PKMYT1: variants seen among roughly 807,000 people sequenced by gnomAD.
PKMYT1 encodes the protein membrane-associated tyrosine- and threonine-specific cdc2-inhibitory kinase.
Under a neutral mutation model 49.7 loss-of-function variants are expected in PKMYT1, and 35 were observed. The observed-to-expected ratio is 0.70, with a 90% CI of 0.54 to 0.93. The LOEUF (loss-of-function observed/expected upper bound fraction) is 0.93, where lower values mean the gene tolerates loss of function less well. PKMYT1 is among the 40% of genes least tolerant of loss of function. The probability of loss-of-function intolerance (pLI) is 0.00; values close to 1 mark genes in which losing one functional copy is unlikely to be tolerated. For synonymous variants in PKMYT1, 331 were observed against 287.6 expected (o/e 1.15, Z -1.53); for missense variants, 677 against 673.1 (o/e 1.01, Z -0.06).
At chr16:2,976,188 A>C (rs2072188528) in intron 3 of PKMYT1, 3 of 256,156 alleles carry the variant, frequency 1.2e-5, no homozygotes, top group South Asian at 1.3e-4. Context: ...CTTTTTAACA[A>C]AATTGTCTTC....
chr16:2,976,793 T>A lies in PKMYT1; in HGVS notation c.249A>T (p.Ser83=). ...GAGTCTCTGAGGCCTCGCCCCGGAA[T>A]GACACCCGCCGGGGCTGCAGCTGGT... is the stretch of plus-strand genomic sequence containing the variant. ...GWHQLQPRRV[S]FRGEASETLQ... The change falls in exon 3 of 9, where the codon TCA becomes TCT. Residue 83 remains serine (S), a synonymous_variant. Transcript: ENST00000262300. The A allele has an allele frequency of 6.3e-7, 1 of 1,576,712 alleles. No homozygotes were observed. Among genetic ancestry groups the A allele is most frequent in the African/African-American group, 1.4e-5 (1 of 74,030 alleles).
In PKMYT1 at chr16:2,977,206, A is replaced by G. The variant is rs2072221768; in HGVS notation, c.11-175T>C. The G allele has an allele frequency of 2.1e-6, 3 of 1,431,946 alleles. No homozygotes were observed. In the South Asian group the frequency reaches 4.3e-5, roughly 21 times the overall value. The allele number at this position is 1,431,946 out of a possible 1,614,324, so 88.7% of individuals were successfully genotyped here. A position where few individuals can be genotyped will look rare whatever the true frequency, so the allele number is the denominator to read the frequency against. Reference sequence around the variant, plus strand: ...CCAAGAAAAGGCAGAGGACAGATTCATACTCACCTGCCCACCAGGCTGTTG... The same window carrying G: ...CCAAGAAAAGGCAGAGGACAGATTCGTACTCACCTGCCCACCAGGCTGTTG... On this transcript the variant is annotated intron_variant, in intron 2 of 8. Transcript: ENST00000262300.
chr16:2,973,891 TG>T, intron 7 of PKMYT1, 108 bp downstream of exon 7: 4 of 1,236,354 alleles, frequency 3.2e-6, no homozygotes, highest in Non-Finnish European at 4.6e-6. Context: ...CAGGATGTGA[TG>T]GGGGCCAGGT....
intron 3 of PKMYT1, chr16:2,976,211 T>C (rs991675594): frequency 2.7e-5 from 6 of 220,920 alleles, no homozygotes; most frequent in African/African-American, 6.8e-5. Context: ...ACAGGACTCA[T>C]ACAAGGGAAA....
At chr16:2,976,183 T>A in intron 3 of PKMYT1, 1 of 261,040 alleles carries the variant, frequency 3.8e-6, no homozygotes, top group Non-Finnish European at 7.2e-6. Flanking sequence ...TTGTACTTTT[T>A]AACAAAATTG....
Position 2,975,686 on chromosome 16 carries a change from A to G in PKMYT1, c.505T>C (p.Cys169Arg). Residue 169 changes from cysteine to arginine, a missense_variant, in exon 4 of 9, where the codon TGC becomes CGC. Transcript: ENST00000262300. ...GSHEKVGQHP[C>R]CVRLEQAWEE... ...CAGGCCTGCTCCAGCCGCACGCAGC[A>G]TGGGTGCTGCCCCACCTTCTCGTGG... 6.2e-7 allele frequency: 1 copy of G among 1,610,012 alleles called. No individual in the cohort carries two copies. The highest frequency in any genetic ancestry group is 8.5e-7 in the Non-Finnish European group (1 of 1,179,882).
At chr16:2,979,185 T>A (rs143915905) in intron 2 of PKMYT1, among the ~76,000 whole-genome samples, 152,036 of 152,054 alleles carry the variant, frequency 1, 76,009 homozygotes, top group Middle Eastern at 1. Context: ...AGATACAAAT[T>A]TTTGCCGGGC....
chr16:2,977,555 G>C (rs2072232549), intron 2 of PKMYT1: 2 of 891,418 alleles, frequency 2.2e-6, no homozygotes, highest in Non-Finnish European at 2.7e-6. Context: ...CCCTGCCCCA[G>C]TGAAACAGCA....
Position 2,979,848 on chromosome 16 carries a change from G to A in PKMYT1, c.-191C>T, listed in dbSNP as rs562436597. ...GACACATCTGCTGGCCACCTTTCCC[G>A]GTAGACGGTAAGTTCCTCCCAGGCA... On this transcript the variant is annotated 5_prime_UTR_variant, in exon 2 of 9. Coordinates refer to ENST00000262300, the MANE Select transcript of PKMYT1 (RefSeq NM_004203.5). 40 of 632,220 alleles carry A rather than the reference G, an allele frequency of 6.3e-5. No individual in the cohort carries two copies. The highest frequency in any genetic ancestry group is 5.9e-4 in the East Asian group (21 of 35,696). 39.2% of individuals were successfully genotyped at this position (632,220 alleles called of 1,614,324 possible).
chr16:2,975,215 G>T, intron 4 of PKMYT1, 104 bp downstream of exon 4: 2 of 1,328,976 alleles, frequency 1.5e-6, no homozygotes, highest in Non-Finnish European at 2.0e-6. Flanking sequence ...TCTGAGGCCG[G>T]GTGTCCTGGG....
At position 2,975,819 on chromosome 16, in the gene PKMYT1, G is replaced by C. The variant is rs756013470; in HGVS notation, c.379-7C>G. On this transcript the variant is annotated splice_region_variant and splice_polypyrimidine_tract_variant and intron_variant, in intron 3 of 8. Transcript: ENST00000262300. Reference sequence around the variant, plus strand: ...CGTCCTCCTTGGAGCGCACCTGGAAGGGAGGTGGTACCCACGCACACAGTG... The same window carrying C: ...CGTCCTCCTTGGAGCGCACCTGGAACGGAGGTGGTACCCACGCACACAGTG... 6 of 1,582,454 alleles carry C rather than the reference G, an allele frequency of 3.8e-6. No individual in the cohort carries two copies. In the African/African-American group the frequency reaches 8.0e-5, roughly 21 times the overall value.
In PKMYT1 at chr16:2,975,313, C is replaced by A. The variant is rs1451783315; in HGVS notation, c.872+6G>T. The A allele has an allele frequency of 6.2e-7, 1 of 1,603,590 alleles. No homozygotes were observed. On this transcript the variant is annotated splice_donor_region_variant and intron_variant, in intron 4 of 8. Coordinates refer to ENST00000262300, the MANE Select transcript of PKMYT1 (RefSeq NM_004203.5). ...TGCCAAACACCTGGCGTGCCCCGGT[C>A]CCCACCTGAACACATCCGCTGCTGT...
chr16:2,977,125 T>C (rs2072219989), intron 2 of PKMYT1, 94 bp from the exon 3 acceptor site: 5 of 1,553,806 alleles, frequency 3.2e-6, no homozygotes, highest in Non-Finnish European at 4.3e-6. Context: ...AAGAGAGCTA[T>C]GTCTATACCA....
chr16:2,977,231 G>GT (rs1357351328), intron 2 of PKMYT1, 200 bp from the exon 3 acceptor site: 1 of 1,402,666 alleles, frequency 7.1e-7, no homozygotes, highest in African/African-American at 1.4e-5. Flanking sequence ...CCAGGCTGTT[G>GT]TATTTTAGAG....
In PKMYT1 at chr16:2,976,677, C is replaced by T. The variant is rs2072203307; in HGVS notation, c.365G>A (p.Gly122Glu). 6.7e-7 allele frequency: 1 copy of T among 1,483,376 alleles called. No homozygotes were observed. The highest frequency in any genetic ancestry group is 9.0e-7 in the Non-Finnish European group (1 of 1,114,322). The allele number at this position is 1,483,376 out of a possible 1,614,324, so 91.9% of individuals were successfully genotyped here. ...CCCCTCACTCACCTTGAAGACCTCT[C>T]CGTAGGAGCCATGGCCCAGGCGGCT... ...RLSRLGHGSYGEVFKVRSKED... is the reference protein window; with the variant it reads ...RLSRLGHGSYEEVFKVRSKED... The change falls in exon 3 of 9, where the codon GGA (glycine) becomes GAA (glutamate). Residue 122 changes from glycine (G) to glutamate (E), a missense_variant. By Grantham distance (98) the Gly-to-Glu change is moderately conservative. Coordinates refer to ENST00000262300, the MANE Select transcript of PKMYT1 (RefSeq NM_004203.5).
In PKMYT1 at chr16:2,974,400, G is replaced by A. The variant is rs764415078; in HGVS notation, c.997C>T (p.Arg333Cys). ...EFTAGLSSELRSVLVMMLEPD... is the reference protein window; with the variant it reads ...EFTAGLSSELCSVLVMMLEPD... ...TCCAGCATCATGACAAGGACAGAAC[G>A]CAGCTCGGAAGACAGACCTGCCCAT... Residue 333 changes from arginine to cysteine, a missense_variant, in exon 6 of 9, where the codon CGT (arginine) becomes TGT (cysteine). Coordinates refer to ENST00000262300, the MANE Select transcript of PKMYT1 (RefSeq NM_004203.5). The A allele has an allele frequency of 1.9e-6, 3 of 1,609,928 alleles. No homozygotes were observed. The highest frequency in any genetic ancestry group is 1.1e-5 in the South Asian group (1 of 90,786).
intron 5 of PKMYT1, 24 bp downstream of exon 5, chr16:2,974,526 C>A (rs1228841652): frequency 3.9e-6 from 6 of 1,536,140 alleles, no homozygotes; most frequent in Non-Finnish European, 5.3e-6. Context: ...GTGGCAGCAC[C>A]CCCTCCCGCC....
Position 2,974,638 on chromosome 16 carries a change from C to T in PKMYT1, c.891G>A (p.Leu297=). 1 of 1,567,040 alleles carries T rather than the reference C, an allele frequency of 6.4e-7. No homozygotes were observed. Among genetic ancestry groups the T allele is most frequent in the East Asian group, 2.3e-5 (1 of 42,610 alleles). Residue 297 remains leucine (L), a synonymous_variant, in exon 5 of 9, where the codon CTG becomes CTA. Coordinates refer to ENST00000262300, the MANE Select transcript of PKMYT1 (RefSeq NM_004203.5). ...ADVFSLGLTI[L]EVACNMELPH... ...GCAGCTCCATGTTGCATGCCACTTC[C>T]AGGATGGTGAGGCCCAGACTGGCAG...
chr16:2,973,328 CCA>C (rs2072064495), intron 7 of PKMYT1, 113 bp from the exon 8 acceptor site: 16 of 1,533,280 alleles, frequency 1.0e-5, no homozygotes, highest in East Asian at 7.4e-5. Flanking sequence ...AGGCAGGGAG[CCA>C]CAGTCAGGGA....
Sources: allele counts gnomAD v4.1 joint callset (sites outside exome capture counted in the v4.1 genomes callset), GRCh38; gene constraint gnomAD v4.1.1; transcripts MANE v1.5; gene names NCBI Gene and HGNC (gene_info 2026-07-23, HGNC 2026-07-21).